Variants in PIGS observed in about 807,000 individuals in gnomAD.
The protein encoded by PIGS is GPI-anchor transamidase component PIGS.
PIGS carries 37 observed loss-of-function variants against 58.2 expected under a neutral mutation model. The observed-to-expected ratio is 0.64, with a 90% confidence interval of 0.49 to 0.84. The LOEUF (loss-of-function observed/expected upper bound fraction) is 0.84. PIGS is among the 40% of genes least tolerant of loss of function. The probability of loss-of-function intolerance (pLI) is 0.00; values close to 1 mark genes in which losing one functional copy is unlikely to be tolerated. For synonymous variants in PIGS, 269 were observed against 289.2 expected (o/e 0.93, Z 0.71); for missense variants, 629 against 710.8 (o/e 0.88, Z 1.31).
At position 28,561,523 on chromosome 17, in the gene PIGS, G is replaced by A. The variant is rs753692594; in HGVS notation, c.575C>T (p.Ala192Val). ...AAGCACATCCTCAGTCAAAGACATG[G>A]CCTGGGCCACCTGGACTATGCGGCG... Reference protein sequence around the residue: ...IGRRIVQVAQAMSLTEDVLAA... With the variant: ...IGRRIVQVAQVMSLTEDVLAA... Residue 192 changes from alanine to valine, a missense_variant, in exon 6 of 12, where the codon GCC becomes GTC. Physicochemically the swap from Ala to Val is moderately conservative, Grantham distance 64. Coordinates refer to ENST00000308360, the MANE Select transcript of PIGS (RefSeq NM_033198.4). 1 of 1,614,120 alleles carries A rather than the reference G, an allele frequency of 6.2e-7. No homozygotes were observed. Among genetic ancestry groups the A allele is most frequent in the Admixed American group, 1.7e-5 (1 of 60,020 alleles).
In PIGS at chr17:28,554,895, C is replaced by T; in HGVS notation, c.1348G>A (p.Gly450Ser). ...TTAATGACAATGTTGCTGATCTTGC[C>T]CAGAAGCTGCGCCAGGGAGGTAAGG... ...TTLTSLAQLL[G>S]KISNIVIKDD... Residue 450 changes from glycine (G) to serine (S), a missense_variant, in exon 11 of 12, where the codon GGC (glycine) becomes AGC (serine). Transcript: ENST00000308360. 1 of 1,614,154 alleles carries T rather than the reference C, an allele frequency of 6.2e-7. No individual in the cohort carries two copies. The highest frequency in any genetic ancestry group is 8.5e-7 in the Non-Finnish European group (1 of 1,180,032).
At chr17:28,557,361 A>C (rs2070337676) in intron 8 of PIGS, 2 of 216,220 alleles carry the variant, frequency 9.2e-6, no homozygotes, top group African/African-American at 2.4e-5. Flanking sequence ...ATCAGGTTAA[A>C]GTTCAAACTC....
intron 3 of PIGS, 47 bp downstream of exon 3, chr17:28,570,805 G>C: frequency 6.3e-7 from 1 of 1,595,526 alleles, no homozygotes; most frequent in Non-Finnish European, 8.6e-7. Context: ...ACTCAGCTCT[G>C]AACTGAGCTC....
intron 3 of PIGS, among the ~76,000 whole-genome samples, chr17:28,566,984 A>G (rs775391672): frequency 3.3e-5 from 5 of 152,244 alleles, no homozygotes; most frequent in Non-Finnish European, 5.9e-5. Context: ...TGATTGAGCC[A>G]CTGCACAGCA....
chr17:28,570,227 G>A (rs926640435), intron 3 of PIGS, among the ~76,000 whole-genome samples: 4 of 152,222 alleles, frequency 2.6e-5, no homozygotes, highest in Non-Finnish European at 5.9e-5. Flanking sequence ...AAACTGAATA[G>A]GGGCTGGGCG....
rs2070376114 is a variant in PIGS at position 28,563,446 on chromosome 17, G to A, written c.453C>T (p.Ser151=). The A allele has an allele frequency of 6.2e-7, 1 of 1,614,088 alleles. No individual in the cohort carries two copies. Among genetic ancestry groups the A allele is most frequent in the Non-Finnish European group, 8.5e-7 (1 of 1,179,952 alleles). ...GTTACCTTACCTGGGGAAGAAGTGA[G>A]GAGTGTTCAGATATCACGTACACAG... The part of the protein sequence containing the change: ...SLTVYVISEH[S]SLLPQDMMSY... Residue 151 remains serine (S), a synonymous_variant, in exon 5 of 12, where the codon TCC becomes TCT. Coordinates refer to ENST00000308360, the MANE Select transcript of PIGS (RefSeq NM_033198.4).
chr17:28,557,127 G>T, intron 8 of PIGS, 155 bp from the exon 9 acceptor site: 1 of 755,446 alleles, frequency 1.3e-6, no homozygotes. Flanking sequence ...CTAGTAAAGG[G>T]CTTCAGAATG....
chr17:28,554,979 C>A lies in PIGS; in HGVS notation c.1264G>T (p.Glu422Ter). Residue 422 changes from glutamate (E) to a stop codon, truncating the protein, a stop_gained, in exon 11 of 12, where the codon GAG becomes TAG. Transcript: ENST00000308360. LOFTEE classifies it high-confidence loss of function. ...GPTSEGLMTW[E>*]LDRLLWARSV... is the part of the protein sequence containing the mutation. ...CGAGCCCAGAGCAGCCGGTCTAGCT[C>A]CCAGGTCATTAGCCCTTCACTCGTA... is the stretch of plus-strand genomic sequence containing the variant. 2 of 1,611,486 alleles carry A rather than the reference C, an allele frequency of 1.2e-6. No homozygotes were observed. The highest frequency in any genetic ancestry group is 1.7e-6 in the Non-Finnish European group (2 of 1,178,548).
At position 28,560,142 on chromosome 17, in the gene PIGS, A is replaced by G; in HGVS notation, c.726T>C (p.Asp242=). 1.9e-6 allele frequency: 3 copies of G among 1,612,874 alleles called. No homozygotes were observed. Among genetic ancestry groups the G allele is most frequent in the East Asian group, 2.2e-5 (1 of 44,858 alleles). ...CAGCCCCCTCAATGTCCCAGTAGAC[A>G]TCATGGGACTTGGGGTCTGGGTTGA... ...SLLNPDPKSH[D]VYWDIEGAVR... is the part of the protein sequence containing the mutation. The change falls in exon 7 of 12, where the codon GAT becomes GAC. Residue 242 remains aspartate, a synonymous_variant. Transcript: ENST00000308360.
chr17:28,570,785 C>T, intron 3 of PIGS, 67 bp downstream of exon 3: 1 of 1,499,230 alleles, frequency 6.7e-7, no homozygotes, highest in Non-Finnish European at 9.3e-7. Context: ...ACCCCCGCTC[C>T]TCCCACCCAA....
At chr17:28,561,400 G>A (rs1482355861) in intron 6 of PIGS, 22 bp downstream of exon 6, 2 of 1,612,194 alleles carry the variant, frequency 1.2e-6, no homozygotes, top group Admixed American at 3.3e-5. Context: ...CTCCCTTCAT[G>A]TGGCAGAGCC....
At chr17:28,570,461 AGATG>A in intron 3 of PIGS, among the ~76,000 whole-genome samples, 1 of 152,362 alleles carries the variant, frequency 6.6e-6, no homozygotes, top group African/African-American at 2.4e-5. Context: ...CAGTGAGCCA[AGATG>A]GCGCCACTGC....
chr17:28,568,522 A>G (rs968458066), intron 3 of PIGS, among the ~76,000 whole-genome samples: 4 of 152,220 alleles, frequency 2.6e-5, no homozygotes, highest in Admixed American at 2.6e-4. Context: ...CAACGCTATT[A>G]CTATTTCCGT....
chr17:28,568,812 T>G (rs930383530), intron 3 of PIGS, among the ~76,000 whole-genome samples: 1 of 152,166 alleles, frequency 6.6e-6, no homozygotes, highest in Non-Finnish European at 1.5e-5. Flanking sequence ...AACAAGAAGT[T>G]TGGCTGGGCA....
chr17:28,553,974 T>A lies in PIGS; in HGVS notation c.*246A>T, dbSNP rs1284763157. ...CAGGCAGCAGCCTTATCAAACAAGA[T>A]AAGGAGACCCGGATGATGTGCCTTT... On this transcript the variant is annotated 3_prime_UTR_variant, in exon 12 of 12. Coordinates refer to ENST00000308360, the MANE Select transcript of PIGS (RefSeq NM_033198.4). The A allele has an allele frequency of 3.7e-6, 2 of 539,676 alleles. No homozygotes were observed. The highest frequency in any genetic ancestry group is 6.6e-6 in the Non-Finnish European group (2 of 302,410). The allele number at this position is 539,676 out of a possible 1,614,324, so 33.4% of individuals were successfully genotyped here. A position where few individuals can be genotyped will look rare whatever the true frequency, so the allele number is the denominator to read the frequency against.
At chr17:28,568,857 A>T (rs886091320) in intron 3 of PIGS, among the ~76,000 whole-genome samples, 3 of 152,148 alleles carry the variant, frequency 2.0e-5, no homozygotes, top group Admixed American at 2.0e-4. Flanking sequence ...GCACTTTGGG[A>T]GGCCGAGGCT....
In PIGS at chr17:28,554,297, C is replaced by G. The variant is rs1220672673; in HGVS notation, c.1591G>C (p.Val531Leu). ...IYIPLFLPMAVPILLSLVKIF... is the reference protein window; with the variant it reads ...IYIPLFLPMALPILLSLVKIF... ...TTGACCAGGGACAGGAGGATGGGCA[C>G]AGCCATAGGCAGGAAGAGTGGGATG... The change falls in exon 12 of 12, where the codon GTG (valine) becomes CTG (leucine). Residue 531 changes from valine to leucine, a missense_variant. Physicochemically the swap from Val to Leu is conservative, Grantham distance 32. Coordinates refer to ENST00000308360, the MANE Select transcript of PIGS (RefSeq NM_033198.4). 4 of 1,614,046 alleles carry G rather than the reference C, an allele frequency of 2.5e-6. No individual in the cohort carries two copies. In the Admixed American group the frequency reaches 6.7e-5, roughly 27 times the overall value.
At chr17:28,561,277 AT>A (rs1199537467) in intron 6 of PIGS, 144 bp downstream of exon 6, 100 of 408,476 alleles carry the variant, frequency 2.4e-4, no homozygotes, top group Non-Finnish European at 3.0e-4. Context: ...ACTAAAAAAA[AT>A]AATAATAATA....
At chr17:28,556,770 G>A (rs1157102574) in intron 9 of PIGS, 57 bp downstream of exon 9, 8 of 1,570,598 alleles carry the variant, frequency 5.1e-6, no homozygotes, top group Non-Finnish European at 6.9e-6. Flanking sequence ...ACAGTTTCAG[G>A]GACACCTGCC....
Sources: gnomAD v4.1 joint callset for allele counts (sites outside exome capture counted in the v4.1 genomes callset) on GRCh38, gnomAD v4.1.1 for gene constraint, MANE v1.5 for transcripts, NCBI Gene and HGNC (gene_info 2026-07-23, HGNC 2026-07-21) for gene names.